The following SH3RF3 variants were observed in gnomAD, a reference collection of about 807,000 sequenced individuals.
The protein encoded by SH3RF3 is E3 ubiquitin-protein ligase SH3RF3.
In SH3RF3, 29 loss-of-function variants were observed where a neutral mutation model predicts 66.3. The ratio of observed to expected loss-of-function variants is 0.44; its 90% CI spans 0.33 to 0.60. The LOEUF is 0.60. Among genes scored for constraint, SH3RF3 ranks in the 20% least tolerant of loss-of-function variants. The pLI is 0.04. For synonymous variants in SH3RF3, 583 were observed against 532.0 expected (o/e 1.10, Z -1.32); for missense variants, 1,194 against 1,190.9 (o/e 1.00, Z -0.04).
chr2:109,231,837 G>T (rs1051471279), intron 1 of SH3RF3, among the ~76,000 whole-genome samples: 1 of 152,146 alleles, frequency 6.6e-6, no homozygotes, highest in Non-Finnish European at 1.5e-5. Context: ...AGCTGGATTA[G>T]ATATTTGCCA....
intron 9 of SH3RF3, among the ~76,000 whole-genome samples, chr2:109,495,146 G>T (rs1044192193): frequency 6.6e-6 from 1 of 152,212 alleles, no homozygotes; most frequent in Non-Finnish European, 1.5e-5. Flanking sequence ...GCATATTCTT[G>T]TCCTGCGGAC....
In SH3RF3 at chr2:109,449,417, G is replaced by C. The variant is rs765389069; in HGVS notation, c.2076G>C (p.Gly692=). Residue 692 remains glycine, a synonymous_variant, in exon 8 of 10, where the codon GGG becomes GGC. Coordinates refer to ENST00000309415, the MANE Select transcript of SH3RF3 (RefSeq NM_001099289.3). ...ACCTCAACGGGGAGGCTGGAGGGGG[G>C]CCCATCGGTGTTCTGTCCACATCCA... ...AANLNGEAGG[G]PIGVLSTSSP... is the part of the protein sequence containing the mutation. The C allele has an allele frequency of 6.2e-7, 1 of 1,613,692 alleles. No homozygotes were observed. The highest frequency in any genetic ancestry group is 1.7e-5 in the Admixed American group (1 of 59,956).
chr2:109,304,159 G>T (rs902821273), intron 1 of SH3RF3, among the ~76,000 whole-genome samples: 1 of 151,456 alleles, frequency 6.6e-6, no homozygotes, highest in Non-Finnish European at 1.5e-5. Flanking sequence ...GTACAGTATT[G>T]TTAGCTGGAG....
intron 1 of SH3RF3, among the ~76,000 whole-genome samples, chr2:109,242,621 A>T (rs766567424): frequency 1.3e-5 from 2 of 152,052 alleles, no homozygotes; most frequent in Non-Finnish European, 2.9e-5. Flanking sequence ...ACTTTTCCTT[A>T]CTGGGCTGTG....
chr2:109,231,440 C>T (rs780977971), intron 1 of SH3RF3, among the ~76,000 whole-genome samples: 5 of 152,228 alleles, frequency 3.3e-5, no homozygotes, highest in South Asian at 4.1e-4. Context: ...TTGCTTTTCT[C>T]GTGCAGACCA....
chr2:109,455,845 G>A lies in SH3RF3; in HGVS notation c.2148+6356G>A, dbSNP rs570222663. ...CCGAAGTGACAGCTACACTCTGCTG[G>A]CACAGGCTGGCTGCATGCTCCCACC... On this transcript the variant is annotated intron_variant, in intron 8 of 9. Transcript: ENST00000309415. Among the ~76,000 whole-genome samples, 4 of 152,304 alleles carry A rather than the reference G, an allele frequency of 2.6e-5. No individual in the cohort carries two copies. The East Asian group carries it at 7.7e-4, about 29-fold the overall frequency.
At chr2:109,471,164 G>A in intron 8 of SH3RF3, among the ~76,000 whole-genome samples, 1 of 128,490 alleles carries the variant, frequency 7.8e-6, no homozygotes, top group Non-Finnish European at 1.5e-5. Context: ...AATGAGCCGA[G>A]ATCGTGCCAT....
intron 1 of SH3RF3, among the ~76,000 whole-genome samples, chr2:109,201,162 G>A (rs569836930): frequency 4.6e-5 from 7 of 152,292 alleles, no homozygotes; most frequent in African/African-American, 1.7e-4. Flanking sequence ...TCTTCCTTCC[G>A]GCGGCCTCTG....
At chr2:109,442,278 T>A (rs1573255090) in intron 7 of SH3RF3, among the ~76,000 whole-genome samples, 2 of 143,060 alleles carry the variant, frequency 1.4e-5, no homozygotes, top group African/African-American at 2.7e-5. Context: ...GCCACTGCAC[T>A]CCAGCCTGGG....
intron 7 of SH3RF3, among the ~76,000 whole-genome samples, chr2:109,447,147 T>TAAA (rs61240132): frequency 7.3e-5 from 6 of 82,704 alleles, no homozygotes; most frequent in African/African-American, 1.2e-4. Flanking sequence ...CCTGAATATT[T>TAAA]AAAAAAAAAA....
chr2:109,495,368 C>T (rs1679230345), intron 9 of SH3RF3, among the ~76,000 whole-genome samples: 1 of 152,126 alleles, frequency 6.6e-6, no homozygotes, highest in Non-Finnish European at 1.5e-5. Context: ...TGGATGCCTG[C>T]CTCCTGGCTC....
intron 1 of SH3RF3, among the ~76,000 whole-genome samples, chr2:109,315,461 C>T (rs1295405450): frequency 2.6e-5 from 4 of 152,230 alleles, no homozygotes; most frequent in African/African-American, 9.7e-5. Context: ...CTGTAGAATG[C>T]ACTTGCTTTT....
Position 109,432,492 on chromosome 2 carries a change from T to G in SH3RF3, c.1404-9T>G. The G allele has an allele frequency of 6.2e-7, 1 of 1,612,830 alleles. No individual in the cohort carries two copies. Among genetic ancestry groups the G allele is most frequent in the Non-Finnish European group, 8.5e-7 (1 of 1,179,558 alleles). On this transcript the variant is annotated splice_polypyrimidine_tract_variant and intron_variant, in intron 5 of 9. Coordinates refer to ENST00000309415, the MANE Select transcript of SH3RF3 (RefSeq NM_001099289.3). ...TCCCACTGACACTGGCCCCATGCTT[T>G]GCCCGCAGGTACCTGGCGCTCTACG...
chr2:109,325,331 C>CTTTTTTTTTTTTT (rs11298946), intron 1 of SH3RF3, among the ~76,000 whole-genome samples: 3 of 66,272 alleles, frequency 4.5e-5, no homozygotes, highest in South Asian at 7.1e-4. Flanking sequence ...TTCTTTCTTT[C>CTTTTTTTTTTTTT]TTTTTTTTTT....
chr2:109,264,033 A>T lies in SH3RF3; in HGVS notation c.574-83641A>T, dbSNP rs552789634. Among the ~76,000 whole-genome samples, 64 of 152,330 alleles carry T rather than the reference A, an allele frequency of 4.2e-4. 1 individual carries two copies. Among genetic ancestry groups the T allele is most frequent in the African/African-American group, 1.4e-3 (60 of 41,574 alleles). The stretch of plus-strand genomic sequence containing the variant: ...CTGGTCAGGACACTCCAGAAGCCCT[A>T]CATGGTTTGCAAAACCATCTGGGCT... On this transcript the variant is annotated intron_variant, in intron 1 of 9. Transcript: ENST00000309415.
intron 2 of SH3RF3, among the ~76,000 whole-genome samples, chr2:109,349,568 C>G (rs1682795499): frequency 6.6e-6 from 1 of 152,212 alleles, no homozygotes; most frequent in South Asian, 2.1e-4. Context: ...AGAGCAGGGA[C>G]CTCTGAACTC....
intron 1 of SH3RF3, among the ~76,000 whole-genome samples, chr2:109,146,833 ACCCTC>A (rs1677110076): frequency 2.1e-5 from 1 of 47,814 alleles, no homozygotes; most frequent in Non-Finnish European, 3.6e-5. Context: ...CCCCTTCCTA[ACCCTC>A]CCCTCCCCTC....
chr2:109,492,497 G>A (rs1172984923), intron 9 of SH3RF3, among the ~76,000 whole-genome samples: 2 of 152,186 alleles, frequency 1.3e-5, no homozygotes, highest in Non-Finnish European at 2.9e-5. Context: ...ACTCAGCAGT[G>A]GGCATGGATT....
At chr2:109,294,082 G>T (rs1385382666) in intron 1 of SH3RF3, among the ~76,000 whole-genome samples, 1 of 152,168 alleles carries the variant, frequency 6.6e-6, no homozygotes, top group Non-Finnish European at 1.5e-5. Context: ...CTTCTGACAT[G>T]TAAGATGGAG....
Sources: gnomAD v4.1 joint callset for allele counts (sites outside exome capture counted in the v4.1 genomes callset) on GRCh38, gnomAD v4.1.1 for gene constraint, MANE v1.5 for transcripts, NCBI Gene and HGNC (gene_info 2026-07-23, HGNC 2026-07-21) for gene names.